The following NSD2 variants were observed in gnomAD, a reference collection of about 807,000 sequenced individuals.
NSD2 encodes the protein nuclear receptor binding SET domain protein 2.
NSD2 carries 12 observed loss-of-function variants against 139.0 expected under a neutral mutation model. The ratio of observed to expected loss-of-function variants is 0.09; its 90% CI spans 0.06 to 0.14. The LOEUF is 0.14. Ranked by LOEUF, NSD2 falls within the 10% of genes least tolerant of loss-of-function variation. The probability of loss-of-function intolerance (pLI) is 1.00; values close to 1 mark genes in which losing one functional copy is unlikely to be tolerated. For synonymous variants in NSD2, 669 were observed against 648.7 expected, an observed-to-expected ratio of 1.03 and a Z score of -0.48; for missense variants, 1,155 against 1,745.0, an observed-to-expected ratio of 0.66 and a Z score of 6.02.
chr4:1,966,405 C>G (rs1725890518), intron 18 of NSD2, among the ~76,000 whole-genome samples: 1 of 152,148 alleles, frequency 6.6e-6, no homozygotes, highest in Non-Finnish European at 1.5e-5. Context: ...GCCTGTAATT[C>G]CAGCGCTTTG....
Position 1,948,296 on chromosome 4 carries a change from G to A in NSD2, c.1882-2776G>A, listed in dbSNP as rs377490567. 23 of 1,065,276 alleles carry A rather than the reference G, an allele frequency of 2.2e-5. No individual in the cohort carries two copies. The highest frequency in any genetic ancestry group is 4.6e-5 in the South Asian group (1 of 21,976). 66.0% of individuals were successfully genotyped at this position (1,065,276 alleles called of 1,614,324 possible). A position where few individuals can be genotyped will look rare whatever the true frequency, so the allele number is the denominator to read the frequency against. ...CACTTTTCCTTTCCAAATGCATCTC[G>A]TTGGATATGGAATAGATCGTAGATG... On this transcript the variant is annotated intron_variant, in intron 9 of 21. Transcript: ENST00000508803. The surrounding 1 kb of genome is among the most constrained non-coding windows in gnomAD (Gnocchi z 4.5).
chr4:1,958,683 C>G lies in NSD2; in HGVS notation c.2985+647C>G, dbSNP rs187681609. ...TTGCTTGTAAAATGTGGGCTGCAGTCAATATCTTTGTATGTAAAGAAAGTG... is the reference window on the plus strand; with the variant it reads ...TTGCTTGTAAAATGTGGGCTGCAGTGAATATCTTTGTATGTAAAGAAAGTG... On this transcript the variant is annotated intron_variant, in intron 16 of 21. Coordinates refer to ENST00000508803, the MANE Select transcript of NSD2 (RefSeq NM_001042424.3). This position sits in a 1 kb window ranked among gnomAD's most constrained non-coding sequence, Gnocchi z 4.6. 8.1e-4 allele frequency among the ~76,000 whole-genome samples: 124 copies of G among 152,346 alleles called. No individual in the cohort carries two copies. The highest frequency in any genetic ancestry group is 5.8e-4 in the East Asian group (3 of 5,176).
chr4:1,920,727 CTCTG>C (rs1271133178), intron 5 of NSD2, among the ~76,000 whole-genome samples: 1 of 151,778 alleles, frequency 6.6e-6, no homozygotes, highest in East Asian at 1.9e-4. Flanking sequence ...CAGAGTGAGA[CTCTG>C]TCTCATAAAA....
In NSD2 at chr4:1,976,355, C is replaced by T; in HGVS notation, c.3622-120C>T. 1 of 1,090,538 alleles carries T rather than the reference C, an allele frequency of 9.2e-7. No homozygotes were observed. Among genetic ancestry groups the T allele is most frequent in the Non-Finnish European group, 1.3e-6 (1 of 748,406 alleles). 67.6% of individuals were successfully genotyped at this position (1,090,538 alleles called of 1,614,324 possible). On this transcript the variant is annotated intron_variant, in intron 20 of 21. Transcript: ENST00000508803. This position sits in a 1 kb window ranked among gnomAD's most constrained non-coding sequence, Gnocchi z 5.3. The stretch of plus-strand genomic sequence containing the variant: ...GAGGAGGACACTCCTCTCCTCTCCT[C>T]TTAGTGTTGGGCACCTGCAGAGATC...
intron 1 of NSD2, among the ~76,000 whole-genome samples, chr4:1,886,882 G>A (rs142741742): frequency 1.3e-5 from 2 of 152,168 alleles, no homozygotes; most frequent in Non-Finnish European, 2.9e-5. Context: ...AGAACTTCCA[G>A]ATTGATATAT....
chr4:1,925,205 C>T (rs1720705213), intron 5 of NSD2, among the ~76,000 whole-genome samples: 1 of 152,064 alleles, frequency 6.6e-6, no homozygotes, highest in Non-Finnish European at 1.5e-5. Flanking sequence ...AGTGCTGGTG[C>T]ACACAAGGAT....
At chr4:1,978,083 C>T (rs763826246) in intron 21 of NSD2, among the ~76,000 whole-genome samples, 12 of 151,774 alleles carry the variant, frequency 7.9e-5, no homozygotes, top group Admixed American at 1.3e-4. Context: ...GCCAAGATTG[C>T]GCCACTGCTC....
chr4:1,911,659 A>G (rs2108782686), intron 3 of NSD2, among the ~76,000 whole-genome samples: 1 of 152,040 alleles, frequency 6.6e-6, no homozygotes, highest in South Asian at 2.1e-4. Context: ...ATTACTAATA[A>G]CATAGTACTG....
At chr4:1,946,688 A>G (rs923009150) in intron 9 of NSD2, 2 of 1,040,888 alleles carry the variant, frequency 1.9e-6, no homozygotes, top group Non-Finnish European at 1.2e-6. Context: ...GTTAGAAATT[A>G]CCACTAATTT....
Position 1,956,906 on chromosome 4 carries a change from G to T in NSD2, c.2881+718G>T, listed in dbSNP as rs889479291. 6.6e-6 allele frequency among the ~76,000 whole-genome samples: 1 copy of T among 152,240 alleles called. No homozygotes were observed. The highest frequency in any genetic ancestry group is 1.5e-5 in the Non-Finnish European group (1 of 68,042). ...TTAGCTCCATGCTGCCAGAAGCTTTGCAGGCTGCACTGAGTGGTAGGAGTG... is the reference window on the plus strand; with the variant it reads ...TTAGCTCCATGCTGCCAGAAGCTTTTCAGGCTGCACTGAGTGGTAGGAGTG... On this transcript the variant is annotated intron_variant, in intron 15 of 21. Transcript: ENST00000508803. This position sits in a 1 kb window ranked among gnomAD's most constrained non-coding sequence, Gnocchi z 5.3.
At chr4:1,959,858 A>T (rs954767955) in intron 17 of NSD2, 118 bp downstream of exon 17, 11 of 1,412,320 alleles carry the variant, frequency 7.8e-6, no homozygotes, top group Non-Finnish European at 1.0e-5. Flanking sequence ...TTGGAAAAAA[A>T]ATTTTTTTTG....
chr4:1,978,129 A>G (rs1293544573), intron 21 of NSD2, among the ~76,000 whole-genome samples: 1 of 152,154 alleles, frequency 6.6e-6, no homozygotes, highest in Non-Finnish European at 1.5e-5. Flanking sequence ...TCCATCTCAA[A>G]AAAAAAAGAA....
rs71167763 is a variant in NSD2, at chr4:1,951,443, TACACACACACACACACAC to T, written c.2013+304_2013+321del. On this transcript the variant is annotated intron_variant, in intron 10 of 21. Coordinates refer to ENST00000508803, the MANE Select transcript of NSD2 (RefSeq NM_001042424.3). ...TGAGATTTGTATACACATCATGTAA[TACACACACACACACACAC>T]ACACACACACACACACACACACACA... 1.4e-3 allele frequency among the ~76,000 whole-genome samples: 144 copies of T among 101,040 alleles called. 2 individuals are homozygous for T. The highest frequency in any genetic ancestry group is 4.7e-3 in the African/African-American group (119 of 25,178). The allele number at this position is 101,040 out of a possible 152,430, so 66.3% of individuals were successfully genotyped here. A position where few individuals can be genotyped will look rare whatever the true frequency, so the allele number is the denominator to read the frequency against.
In NSD2 at chr4:1,956,511, GT is replaced by G. The variant is rs1157238269; in HGVS notation, c.2881+325del. Among the ~76,000 whole-genome samples the G allele has an allele frequency of 7.2e-5, 11 of 152,152 alleles. No individual in the cohort carries two copies. The highest frequency in any genetic ancestry group is 1.2e-4 in the Non-Finnish European group (8 of 68,034). ...AATGCAGATCTGAAGGAAGGGTCCTGTTGTCTCGACCTTGTGCAGCAGGCTC... is the reference window on the plus strand; with the variant it reads ...AATGCAGATCTGAAGGAAGGGTCCTGTGTCTCGACCTTGTGCAGCAGGCTC... On this transcript the variant is annotated intron_variant, in intron 15 of 21. Coordinates refer to ENST00000508803, the MANE Select transcript of NSD2 (RefSeq NM_001042424.3). The surrounding 1 kb of genome is among the most constrained non-coding windows in gnomAD (Gnocchi z 5.3).
At chr4:1,939,297 A>G (rs184780840) in intron 8 of NSD2, 56 of 232,674 alleles carry the variant, frequency 2.4e-4, no homozygotes, top group African/African-American at 1.1e-3. Flanking sequence ...CATTGTGGTT[A>G]TATGTAAGAC....
rs145556817 is a variant in NSD2 at position 1,900,855 on chromosome 4, C to T, written c.201C>T (p.Gly67=). Residue 67 remains glycine (G), a synonymous_variant, in exon 2 of 22, where the codon GGC becomes GGT. Coordinates refer to ENST00000508803, the MANE Select transcript of NSD2 (RefSeq NM_001042424.3). The part of the protein sequence containing the change: ...LQEGVMQKFN[G]HDALPFIPAD... ...AGGGGGTCATGCAGAAGTTTAACGG[C>T]CACGACGCCCTGCCCTTTATTCCAG... 2.5e-6 allele frequency: 4 copies of T among 1,613,346 alleles called. No individual in the cohort carries two copies. In the African/African-American group the frequency reaches 4.0e-5, roughly 16 times the overall value.
At chr4:1,901,728 T>C (rs1260263161) in intron 2 of NSD2, among the ~76,000 whole-genome samples, 1 of 152,206 alleles carries the variant, frequency 6.6e-6, no homozygotes, top group East Asian at 1.9e-4. Context: ...GCTCCCGCTG[T>C]CCTTACCCTG....
intron 5 of NSD2, 124 bp downstream of exon 5, chr4:1,918,747 G>T (rs940381525): frequency 7.5e-7 from 1 of 1,337,458 alleles, no homozygotes; most frequent in Non-Finnish European, 1.0e-6. Flanking sequence ...ATAGATTTTA[G>T]ATCTAATAAA....
chr4:1,971,830 A>AC (rs1379758896), intron 18 of NSD2, among the ~76,000 whole-genome samples: 1 of 152,230 alleles, frequency 6.6e-6, no homozygotes, highest in East Asian at 1.9e-4. Context: ...TTTCATGAAC[A>AC]CCAGAAAATC....
Sources: gnomAD v4.1 joint callset for allele counts (sites outside exome capture counted in the v4.1 genomes callset) on GRCh38, gnomAD v4.1.1 for gene constraint, Gnocchi (gnomAD v3.1) non-coding constraint, MANE v1.5 for transcripts, NCBI Gene and HGNC (gene_info 2026-07-23, HGNC 2026-07-21) for gene names.